COL23A1: variants seen among roughly 807,000 people sequenced by gnomAD.
The protein encoded by COL23A1 is collagen type XXIII alpha 1 chain.
In COL23A1, 97 loss-of-function variants were observed where a neutral mutation model predicts 99.3. That is an observed-to-expected ratio of 0.98 (90% CI 0.83 to 1.16). The LOEUF is 1.16. Ranked by LOEUF, COL23A1 falls within the 50% of genes most tolerant of loss-of-function variation. The pLI is 0.00. For missense variants in COL23A1, 762 were observed against 757.4 expected, an observed-to-expected ratio of 1.01 and a Z score of -0.07; for synonymous variants, 320 against 308.2, an observed-to-expected ratio of 1.04 and a Z score of -0.40.
At chr5:178,448,628 G>A (rs1767304610) in intron 2 of COL23A1, among the ~76,000 whole-genome samples, 2 of 152,166 alleles carry the variant, frequency 1.3e-5, no homozygotes. Flanking sequence ...GAGCAAGAAG[G>A]GACCAAACTC....
chr5:178,531,030 G>A (rs979168740), intron 2 of COL23A1, among the ~76,000 whole-genome samples: 2 of 152,222 alleles, frequency 1.3e-5, no homozygotes, highest in East Asian at 1.9e-4. Context: ...ACCACGCCTG[G>A]CTAATTTTGT....
chr5:178,484,282 A>C (rs976907953), intron 2 of COL23A1, among the ~76,000 whole-genome samples: 1 of 152,168 alleles, frequency 6.6e-6, no homozygotes, highest in African/African-American at 2.4e-5. Flanking sequence ...TTCTAATGTT[A>C]AATCTATTAA....
intron 2 of COL23A1, among the ~76,000 whole-genome samples, chr5:178,480,803 C>A (rs1201939956): frequency 6.6e-6 from 1 of 152,142 alleles, no homozygotes; most frequent in Admixed American, 6.6e-5. Context: ...GTGAATCCAT[C>A]TTTGTATAAT....
At chr5:178,241,991 C>G (rs1375536069) in intron 27 of COL23A1, 51 bp downstream of exon 27, 2 of 1,429,930 alleles carry the variant, frequency 1.4e-6, no homozygotes, top group Non-Finnish European at 9.6e-7. Flanking sequence ...TTGGGCTGAC[C>G]CTGGCTGGAG....
At chr5:178,248,416 C>T (rs181784413) in intron 19 of COL23A1, among the ~76,000 whole-genome samples, 162 bp from the exon 20 acceptor site, 5 of 152,322 alleles carry the variant, frequency 3.3e-5, no homozygotes, top group East Asian at 3.9e-4. Context: ...TGCCACGCCC[C>T]GGGTGGTGGG....
At chr5:178,248,293 G>A in intron 19 of COL23A1, 39 bp from the exon 20 acceptor site, 1 of 1,539,686 alleles carries the variant, frequency 6.5e-7, no homozygotes, top group Non-Finnish European at 9.0e-7. Flanking sequence ...TTTGTGTCCA[G>A]CACCTGTATC....
intron 6 of COL23A1, among the ~76,000 whole-genome samples, chr5:178,269,492 C>T (rs1283035442): frequency 2.6e-5 from 3 of 115,172 alleles, no homozygotes; most frequent in African/African-American, 3.7e-5. Context: ...TCCACCCACC[C>T]ATCCACCCAT....
intron 2 of COL23A1, among the ~76,000 whole-genome samples, chr5:178,520,601 G>C (rs1024437614): frequency 2.6e-5 from 4 of 152,196 alleles, no homozygotes; most frequent in African/African-American, 9.7e-5. Context: ...GAGCACATGT[G>C]TTCAGAAGTG....
intron 2 of COL23A1, among the ~76,000 whole-genome samples, chr5:178,491,718 T>A (rs1023169248): frequency 6.6e-6 from 1 of 152,122 alleles, no homozygotes; most frequent in Non-Finnish European, 1.5e-5. Context: ...TTTCAATTTT[T>A]TAATTCATTT....
intron 2 of COL23A1, among the ~76,000 whole-genome samples, chr5:178,514,155 G>T (rs952380113): frequency 6.6e-6 from 1 of 152,190 alleles, no homozygotes; most frequent in Admixed American, 6.5e-5. Flanking sequence ...AATGGACTCA[G>T]GCTGTATTTG....
chr5:178,382,993 A>G (rs1763466668), intron 2 of COL23A1, among the ~76,000 whole-genome samples: 1 of 151,942 alleles, frequency 6.6e-6, no homozygotes, highest in Admixed American at 6.5e-5. Context: ...GAGAGACTCC[A>G]CCTGTCGGGG....
intron 2 of COL23A1, among the ~76,000 whole-genome samples, chr5:178,435,134 A>G (rs146239725): frequency 1.6e-3 from 237 of 152,290 alleles, no homozygotes; most frequent in African/African-American, 5.5e-3. Context: ...TCACAGTGAA[A>G]TTTCTGTGAC....
intron 2 of COL23A1, among the ~76,000 whole-genome samples, chr5:178,498,207 T>G: frequency 1.2e-4 from 1 of 8,002 alleles, no homozygotes. Context: ...TTTATTTAAA[T>G]ATATATATAT....
intron 2 of COL23A1, among the ~76,000 whole-genome samples, chr5:178,416,667 T>A (rs1765329450): frequency 6.6e-6 from 1 of 152,242 alleles, no homozygotes. Context: ...GGTAGTAGTA[T>A]CCTTCCCATT....
In COL23A1 at chr5:178,367,209, C is replaced by T. The variant is rs148172601; in HGVS notation, c.362-60290G>A. Among the ~76,000 whole-genome samples, 507 of 152,274 alleles carry T rather than the reference C, an allele frequency of 3.3e-3. 4 individuals are homozygous for T. Among genetic ancestry groups the T allele is most frequent in the African/African-American group, 0.011 (472 of 41,558 alleles). On this transcript the variant is annotated intron_variant, in intron 2 of 28. Coordinates refer to ENST00000390654, the MANE Select transcript of COL23A1 (RefSeq NM_173465.4). ...CTGCTTGGAAACCACCAATGGCATC[C>T]GCTCCGAGTCTTCCGATGATGTCCA... is the stretch of plus-strand genomic sequence containing the variant.
At chr5:178,319,641 G>A (rs1019347791) in intron 2 of COL23A1, among the ~76,000 whole-genome samples, 6 of 152,206 alleles carry the variant, frequency 3.9e-5, no homozygotes, top group African/African-American at 1.4e-4. Context: ...CTTGGACAGG[G>A]AACTCTCGGG....
At chr5:178,374,929 C>G (rs1347305709) in intron 2 of COL23A1, among the ~76,000 whole-genome samples, 1 of 152,056 alleles carries the variant, frequency 6.6e-6, no homozygotes, top group African/African-American at 2.4e-5. Context: ...AATCAAGTAG[C>G]CAAAGAGAAA....
At chr5:178,410,961 C>T (rs1182457777) in intron 2 of COL23A1, among the ~76,000 whole-genome samples, 1 of 151,998 alleles carries the variant, frequency 6.6e-6, no homozygotes, top group African/African-American at 2.4e-5. Flanking sequence ...ATACAAACAA[C>T]CCTATTCAAA....
intron 8 of COL23A1, among the ~76,000 whole-genome samples, chr5:178,266,001 G>A (rs1755873976): frequency 6.6e-6 from 1 of 152,144 alleles, no homozygotes; most frequent in African/African-American, 2.4e-5. Context: ...TTACCCAGGG[G>A]CCATGAGAGA....
Sources: gnomAD v4.1 joint callset for allele counts (sites outside exome capture counted in the v4.1 genomes callset) on GRCh38, gnomAD v4.1.1 for gene constraint, MANE v1.5 for transcripts, NCBI Gene and HGNC (gene_info 2026-07-23, HGNC 2026-07-21) for gene names.